Variants in EYA2 observed in about 807,000 individuals in gnomAD.
EYA2 encodes EYA transcriptional coactivator and phosphatase 2.
In EYA2, 31 loss-of-function variants were observed where a neutral mutation model predicts 69.2. That is an observed-to-expected ratio of 0.45 (90% CI 0.34 to 0.60). EYA2 has a LOEUF of 0.60. Ranked by LOEUF, EYA2 falls within the 20% of genes least tolerant of loss-of-function variation. The pLI, the probability that EYA2 is intolerant of heterozygous loss-of-function variation, is 0.02. For synonymous variants in EYA2, 257 were observed against 279.4 expected (o/e 0.92, Z 0.80); for missense variants, 622 against 701.2 (o/e 0.89, Z 1.28).
intron 4 of EYA2, among the ~76,000 whole-genome samples, chr20:47,010,817 T>C (rs1328612151): frequency 6.7e-5 from 10 of 149,764 alleles, no homozygotes; most frequent in Admixed American, 6.0e-4. Context: ...AGATGTAGTC[T>C]TGCTGTGTCT....
chr20:47,042,200 A>G (rs992080118), intron 5 of EYA2, among the ~76,000 whole-genome samples: 12 of 152,064 alleles, frequency 7.9e-5, no homozygotes, highest in Admixed American at 3.3e-4. Context: ...TATCACGTCT[A>G]TTTTATAGAG....
At chr20:47,095,094 CATAAA>C (rs1301919923) in intron 8 of EYA2, among the ~76,000 whole-genome samples, 2 of 151,924 alleles carry the variant, frequency 1.3e-5, no homozygotes, top group Non-Finnish European at 2.9e-5. Context: ...ATTTAAGAAA[CATAAA>C]ATAACTTAGG....
In EYA2 at chr20:47,009,216, G is replaced by C. The variant is rs573922071; in HGVS notation, c.298+4132G>C. Among the ~76,000 whole-genome samples, 37 of 152,252 alleles carry C rather than the reference G, an allele frequency of 2.4e-4. 1 individual carries two copies. In the East Asian group the frequency reaches 4.3e-3, roughly 17 times the overall value. On this transcript the variant is annotated intron_variant, in intron 4 of 15. Coordinates refer to ENST00000327619, the MANE Select transcript of EYA2 (RefSeq NM_005244.5). ...ACGCACACACACATACACACACACA[G>C]AATGTCCATGTCACTGAACAATAAC...
chr20:46,907,537 A>G (rs1007824729), intron 1 of EYA2, among the ~76,000 whole-genome samples: 1 of 152,210 alleles, frequency 6.6e-6, no homozygotes, highest in African/African-American at 2.4e-5. Context: ...GTGGAGAGGA[A>G]CACATAAAAA....
At chr20:47,014,784 T>C (rs1016970233) in intron 4 of EYA2, among the ~76,000 whole-genome samples, 12 of 152,056 alleles carry the variant, frequency 7.9e-5, no homozygotes, top group African/African-American at 4.8e-5. Flanking sequence ...ATTTGTTGCA[T>C]GTGTGTGTGT....
intron 5 of EYA2, among the ~76,000 whole-genome samples, chr20:47,068,700 G>A (rs2146466751): frequency 6.6e-6 from 1 of 152,230 alleles, no homozygotes. Context: ...GGTTCTGATG[G>A]ATCCATCATC....
chr20:47,076,523 T>C (rs2031524543), intron 7 of EYA2, among the ~76,000 whole-genome samples: 1 of 152,224 alleles, frequency 6.6e-6, no homozygotes, highest in African/African-American at 2.4e-5. Flanking sequence ...TGTCTGTTCA[T>C]GTCCTTTGCC....
intron 9 of EYA2, among the ~76,000 whole-genome samples, chr20:47,104,284 G>A (rs1419181555): frequency 2.0e-5 from 3 of 151,974 alleles, no homozygotes; most frequent in African/African-American, 7.3e-5. Flanking sequence ...TTTTTAATTG[G>A]TTTGTCTTTA....
At chr20:47,103,853 G>A (rs914734160) in intron 9 of EYA2, among the ~76,000 whole-genome samples, 3 of 152,226 alleles carry the variant, frequency 2.0e-5, no homozygotes, top group African/African-American at 4.8e-5. Flanking sequence ...CCATTTATCA[G>A]TTGGATAGTT....
At chr20:47,125,002 T>G (rs1229485480) in intron 9 of EYA2, among the ~76,000 whole-genome samples, 1 of 151,980 alleles carries the variant, frequency 6.6e-6, no homozygotes, top group Non-Finnish European at 1.5e-5. Context: ...GTTTGACTCT[T>G]GTGATTCAGC....
rs142030881 is a variant in EYA2 at position 47,097,324 on chromosome 20, T to C, written c.888+156T>C. Among the ~76,000 whole-genome samples, 835 of 152,350 alleles carry C rather than the reference T, an allele frequency of 5.5e-3. 9 individuals are homozygous for C. Among genetic ancestry groups the C allele is most frequent in the African/African-American group, 0.019 (797 of 41,580 alleles). On this transcript the variant is annotated intron_variant, in intron 9 of 15. Coordinates refer to ENST00000327619, the MANE Select transcript of EYA2 (RefSeq NM_005244.5). ...CCAGGTTTAAAAATTCCTATGACAT[T>C]TTCCTTTGCCATGTGAAAATTTAAT...
chr20:47,106,055 C>T (rs572349951), intron 9 of EYA2, among the ~76,000 whole-genome samples: 7 of 152,088 alleles, frequency 4.6e-5, no homozygotes, highest in Admixed American at 1.3e-4. Context: ...GATTGGCCAA[C>T]GAGAGGCTTT....
intron 12 of EYA2, among the ~76,000 whole-genome samples, chr20:47,174,624 C>T (rs939168559): frequency 7.9e-5 from 12 of 152,228 alleles, no homozygotes; most frequent in Non-Finnish European, 8.8e-5. Context: ...GTGCTAAGCG[C>T]GGTCCTGGCA....
At chr20:47,051,386 C>T (rs571234834) in intron 5 of EYA2, among the ~76,000 whole-genome samples, 1 of 152,094 alleles carries the variant, frequency 6.6e-6, no homozygotes, top group Admixed American at 6.6e-5. Context: ...AAATACCCAC[C>T]GAAACTATGA....
intron 2 of EYA2, among the ~76,000 whole-genome samples, chr20:46,993,123 A>G (rs2146332866): frequency 6.6e-6 from 1 of 152,298 alleles, no homozygotes; most frequent in South Asian, 2.1e-4. Flanking sequence ...GACCCTGGCT[A>G]GTGGCCTAAC....
At chr20:47,154,925 AAC>A (rs2033894324) in intron 10 of EYA2, among the ~76,000 whole-genome samples, 1 of 149,754 alleles carries the variant, frequency 6.7e-6, no homozygotes, top group Non-Finnish European at 1.5e-5. Context: ...AGCTCACTGC[AAC>A]CTTCACCTCC....
intron 3 of EYA2, 194 bp from the exon 4 acceptor site, chr20:47,004,748 G>T (rs185979938): frequency 5.5e-6 from 4 of 728,752 alleles, no homozygotes; most frequent in Non-Finnish European, 6.9e-6. Context: ...GAATCTGACT[G>T]CACAGGAGAC....
chr20:47,150,300 T>C lies in EYA2; in HGVS notation c.978+7152T>C, dbSNP rs1396044745. Among the ~76,000 whole-genome samples, 3 of 152,186 alleles carry C rather than the reference T, an allele frequency of 2.0e-5. No individual in the cohort carries two copies. The East Asian group carries it at 5.8e-4, about 29-fold the overall frequency. On this transcript the variant is annotated intron_variant, in intron 10 of 15. Transcript: ENST00000327619. ...TTTCTCTTGGACGTCATCACGGCCT[T>C]CTCACTGTCCCCCTGCTGTCTATGA...
intron 9 of EYA2, among the ~76,000 whole-genome samples, chr20:47,123,844 TAGAC>T (rs536656057): frequency 2.1e-3 from 312 of 151,826 alleles, no homozygotes; most frequent in African/African-American, 7.1e-3. Context: ...ATACAAAAAT[TAGAC>T]AGACCTGGTG....
Sources: allele counts gnomAD v4.1 joint callset (sites outside exome capture counted in the v4.1 genomes callset), GRCh38; gene constraint gnomAD v4.1.1; transcripts MANE v1.5; gene names NCBI Gene and HGNC (gene_info 2026-07-23, HGNC 2026-07-21).